Variants in NLGN1 observed in about 807,000 individuals in gnomAD.
NLGN1 encodes neuroligin-1.
In NLGN1, 12 loss-of-function variants were observed where a neutral mutation model predicts 65.5. That is an observed-to-expected ratio of 0.18 (90% CI 0.12 to 0.30). NLGN1 has a LOEUF of 0.30. Ranked by LOEUF, NLGN1 falls within the 10% of genes least tolerant of loss-of-function variation. The pLI, the probability that NLGN1 is intolerant of heterozygous loss-of-function variation, is 1.00. For missense variants in NLGN1, 750 were observed against 1,007.1 expected, an observed-to-expected ratio of 0.74 and a Z score of 3.46; for synonymous variants, 350 against 359.5, an observed-to-expected ratio of 0.97 and a Z score of 0.30.
intron 3 of NLGN1, among the ~76,000 whole-genome samples, chr3:173,667,734 A>G (rs747689160): frequency 6.6e-6 from 1 of 151,986 alleles, no homozygotes. Flanking sequence ...GGTTCAAGTG[A>G]TTCTCCTGCC....
At chr3:173,978,845 A>T (rs1579540580) in intron 4 of NLGN1, among the ~76,000 whole-genome samples, 2 of 150,692 alleles carry the variant, frequency 1.3e-5, no homozygotes, top group South Asian at 2.1e-4. Flanking sequence ...AAAAAAAAAA[A>T]AAAAAAAAAA....
At chr3:173,737,318 A>G (rs1578193424) in intron 3 of NLGN1, among the ~76,000 whole-genome samples, 2 of 152,000 alleles carry the variant, frequency 1.3e-5, no homozygotes, top group Non-Finnish European at 2.9e-5. Context: ...GGTTTTAACT[A>G]TATTCACAGA....
chr3:173,533,369 A>T (rs1331884606), intron 2 of NLGN1, among the ~76,000 whole-genome samples: 1 of 152,222 alleles, frequency 6.6e-6, no homozygotes, highest in Admixed American at 6.5e-5. Context: ...CAGAGATTTC[A>T]TAGCAATTAA....
chr3:174,176,779 A>C lies in NLGN1; in HGVS notation c.647-98536A>C, dbSNP rs571049610. On this transcript the variant is annotated intron_variant, in intron 4 of 6. Coordinates refer to ENST00000457714, the Ensembl canonical transcript of NLGN1. ...TACAATTGCATGTATGCAACAACGC[A>C]AACACTTACACAGTTAATATCATTT... Among the ~76,000 whole-genome samples, 12 of 152,198 alleles carry C rather than the reference A, an allele frequency of 7.9e-5. No homozygotes were observed. In the East Asian group the frequency reaches 1.4e-3, roughly 17 times the overall value.
intron 3 of NLGN1, among the ~76,000 whole-genome samples, chr3:173,732,344 T>A (rs1247985539): frequency 6.6e-6 from 1 of 152,162 alleles, no homozygotes; most frequent in East Asian, 1.9e-4. Context: ...GCTTTCCACA[T>A]CACGTTTTAA....
intron 3 of NLGN1, among the ~76,000 whole-genome samples, chr3:173,628,894 A>G (rs561141542): frequency 2.0e-5 from 3 of 152,006 alleles, no homozygotes; most frequent in Non-Finnish European, 4.4e-5. Context: ...GGGTTTCACC[A>G]TGTTGGCCAG....
chr3:173,661,190 G>A (rs1415598019), intron 3 of NLGN1, among the ~76,000 whole-genome samples: 2 of 151,858 alleles, frequency 1.3e-5, no homozygotes, highest in African/African-American at 2.4e-5. Flanking sequence ...AGTAGTGAGC[G>A]AGCTGAAAAA....
chr3:173,405,954 G>T (rs1043235089), intron 1 of NLGN1, among the ~76,000 whole-genome samples: 1 of 152,014 alleles, frequency 6.6e-6, no homozygotes, highest in Non-Finnish European at 1.5e-5. Flanking sequence ...ATTTAAGTTA[G>T]TATGATATAA....
chr3:173,710,108 T>G (rs1162031625), intron 3 of NLGN1, among the ~76,000 whole-genome samples: 3 of 152,172 alleles, frequency 2.0e-5, no homozygotes, highest in Non-Finnish European at 4.4e-5. Flanking sequence ...ACACAATTAC[T>G]TATGGATTTT....
chr3:173,555,000 A>T (rs978911134), intron 2 of NLGN1, among the ~76,000 whole-genome samples: 1 of 152,202 alleles, frequency 6.6e-6, no homozygotes, highest in African/African-American at 2.4e-5. Context: ...CATTACTCCA[A>T]TGACTAAAGA....
chr3:173,855,074 T>C lies in NLGN1; in HGVS notation c.646+47242T>C, dbSNP rs575956242. 4.6e-5 allele frequency among the ~76,000 whole-genome samples: 7 copies of C among 152,214 alleles called. No homozygotes were observed. The East Asian group carries it at 1.4e-3, about 29-fold the overall frequency. ...TAGAAAGAAGGAATAAAAGAAAATGTCCCATAGTCTGTCACTTTAGACGCT... is the reference window on the plus strand; with the variant it reads ...TAGAAAGAAGGAATAAAAGAAAATGCCCCATAGTCTGTCACTTTAGACGCT... On this transcript the variant is annotated intron_variant, in intron 4 of 6. Transcript: ENST00000457714.
chr3:174,098,414 T>C (rs963952094), intron 4 of NLGN1, among the ~76,000 whole-genome samples: 6 of 152,194 alleles, frequency 3.9e-5, no homozygotes, highest in African/African-American at 1.4e-4. Flanking sequence ...CATTTACCTC[T>C]ATACCCACCT....
At chr3:173,711,046 T>C (rs540131208) in intron 3 of NLGN1, among the ~76,000 whole-genome samples, 42 of 152,170 alleles carry the variant, frequency 2.8e-4, no homozygotes, top group African/African-American at 1.0e-3. Flanking sequence ...TTATTTATTA[T>C]TCAATATTAG....
In NLGN1 at chr3:173,713,819, T is replaced by C. The variant is rs73048400; in HGVS notation, c.494-93861T>C. 5.6e-3 allele frequency among the ~76,000 whole-genome samples: 854 copies of C among 152,220 alleles called. 7 individuals are homozygous for C. The highest frequency in any genetic ancestry group is 0.019 in the African/African-American group (795 of 41,554). ...CTGTTACATGTATGATTACATTCCT[T>C]AGCTTACTTTCTATAAAACAAATCA... is the stretch of plus-strand genomic sequence containing the variant. On this transcript the variant is annotated intron_variant, in intron 3 of 6. Transcript: ENST00000457714.
chr3:173,931,649 T>G (rs1029585445), intron 4 of NLGN1, among the ~76,000 whole-genome samples: 10 of 151,904 alleles, frequency 6.6e-5, no homozygotes, highest in Admixed American at 1.3e-4. Flanking sequence ...AGTCAGAGAG[T>G]AGGAAGCCAA....
chr3:173,801,019 T>A (rs567381080), intron 3 of NLGN1, among the ~76,000 whole-genome samples: 1 of 152,104 alleles, frequency 6.6e-6, no homozygotes, highest in South Asian at 2.1e-4. Flanking sequence ...TGATAGAGTC[T>A]GTAGCTATTT....
intron 4 of NLGN1, among the ~76,000 whole-genome samples, chr3:173,902,812 A>G (rs1737613978): frequency 6.6e-6 from 1 of 152,154 alleles, no homozygotes; most frequent in Non-Finnish European, 1.5e-5. Context: ...AGATCATACC[A>G]GGAGCATTCA....
At chr3:173,782,731 G>T in intron 3 of NLGN1, among the ~76,000 whole-genome samples, 1 of 146,490 alleles carries the variant, frequency 6.8e-6, no homozygotes, top group Admixed American at 6.9e-5. Context: ...TACCACCCAT[G>T]ATTTTAAAAT....
intron 3 of NLGN1, among the ~76,000 whole-genome samples, chr3:173,788,701 GT>G (rs1201654468): frequency 6.6e-6 from 1 of 151,942 alleles, no homozygotes; most frequent in Non-Finnish European, 1.5e-5. Flanking sequence ...TGAGCTTGTA[GT>G]TCCAGCTGCT....
Sources: gnomAD v4.1 joint callset for allele counts (sites outside exome capture counted in the v4.1 genomes callset) on GRCh38, gnomAD v4.1.1 for gene constraint, MANE v1.5 for transcripts, NCBI Gene and HGNC (gene_info 2026-07-23, HGNC 2026-07-21) for gene names.